SPOCK1: variants seen among roughly 807,000 people sequenced by gnomAD.
The protein encoded by SPOCK1 is SPARC (osteonectin), cwcv and kazal like domains proteoglycan 1, also known as testican-1.
Under a neutral mutation model 55.3 loss-of-function variants are expected in SPOCK1, and 23 were observed. That is an observed-to-expected ratio of 0.42 (90% CI 0.30 to 0.59). The LOEUF (loss-of-function observed/expected upper bound fraction) is 0.59. Among genes scored for constraint, SPOCK1 ranks in the 20% least tolerant of loss-of-function variants. The probability of loss-of-function intolerance (pLI) is 0.22; values close to 1 mark genes in which losing one functional copy is unlikely to be tolerated. For synonymous variants in SPOCK1, 226 were observed against 221.0 expected (o/e 1.02, Z -0.20); for missense variants, 499 against 552.5 (o/e 0.90, Z 0.97).
At chr5:137,351,293 G>A (rs1313447652) in intron 2 of SPOCK1, among the ~76,000 whole-genome samples, 1 of 152,256 alleles carries the variant, frequency 6.6e-6, no homozygotes. Context: ...GTGTGCAGCT[G>A]CCCAAAGTGC....
intron 4 of SPOCK1, among the ~76,000 whole-genome samples, chr5:137,131,971 C>CAAAA (rs1156253291): frequency 9.4e-4 from 12 of 12,722 alleles, no homozygotes; most frequent in Non-Finnish European, 1.2e-3. Flanking sequence ...GACTCCGTCT[C>CAAAA]AAAAAAAAAA....
At chr5:136,979,609 A>G (rs920222085) in intron 9 of SPOCK1, 140 bp from the exon 10 acceptor site, 4 of 1,077,114 alleles carry the variant, frequency 3.7e-6, no homozygotes, top group East Asian at 2.5e-5. Context: ...ATGGTTGGCT[A>G]TTAGTCAAAA....
chr5:137,315,468 C>G (rs1269239144), intron 2 of SPOCK1, among the ~76,000 whole-genome samples: 1 of 152,230 alleles, frequency 6.6e-6, no homozygotes, highest in East Asian at 1.9e-4. Flanking sequence ...ACCATCTCCA[C>G]TTTGATACAT....
intron 3 of SPOCK1, among the ~76,000 whole-genome samples, chr5:137,194,204 C>T (rs949763721): frequency 6.6e-6 from 1 of 152,222 alleles, no homozygotes; most frequent in Non-Finnish European, 1.5e-5. Context: ...GTATCACCCA[C>T]AGGTGGAAAA....
chr5:137,204,019 G>C (rs554330194), intron 3 of SPOCK1, among the ~76,000 whole-genome samples: 2,541 of 152,290 alleles, frequency 0.017, 73 homozygotes, highest in African/African-American at 0.058. Context: ...ATGCGCTGGG[G>C]CTCTGGATTC....
intron 3 of SPOCK1, among the ~76,000 whole-genome samples, chr5:137,262,914 T>C (rs1756776701): frequency 6.6e-6 from 1 of 152,252 alleles, no homozygotes; most frequent in Non-Finnish European, 1.5e-5. Flanking sequence ...GCACTTCCTA[T>C]ATGCCAGGCA....
chr5:137,449,064 C>T (rs1472217949), intron 2 of SPOCK1, among the ~76,000 whole-genome samples: 1 of 152,240 alleles, frequency 6.6e-6, no homozygotes, highest in Non-Finnish European at 1.5e-5. Flanking sequence ...TTCAAGGCAT[C>T]AGAACTGCTA....
chr5:137,420,815 T>C (rs921262824), intron 2 of SPOCK1, among the ~76,000 whole-genome samples: 1 of 152,230 alleles, frequency 6.6e-6, no homozygotes, highest in African/African-American at 2.4e-5. Context: ...GCTCTGATCT[T>C]AGTTATTTCT....
intron 9 of SPOCK1, among the ~76,000 whole-genome samples, chr5:136,980,362 C>G (rs1750705697): frequency 6.6e-6 from 1 of 152,134 alleles, no homozygotes; most frequent in Non-Finnish European, 1.5e-5. Context: ...AGATGGATTA[C>G]TAGTGGCACA....
intron 2 of SPOCK1, among the ~76,000 whole-genome samples, chr5:137,319,343 TA>T (rs1179834665): frequency 6.6e-6 from 1 of 152,240 alleles, no homozygotes; most frequent in African/African-American, 2.4e-5. Context: ...TGGCTAGCTT[TA>T]GGTGAAAGAT....
intron 3 of SPOCK1, among the ~76,000 whole-genome samples, chr5:137,219,206 T>C (rs1755799008): frequency 6.6e-6 from 1 of 152,214 alleles, no homozygotes; most frequent in Non-Finnish European, 1.5e-5. Flanking sequence ...GAATTAATGA[T>C]GCTAAGATGA....
intron 4 of SPOCK1, among the ~76,000 whole-genome samples, chr5:137,126,456 G>A (rs1408029506): frequency 6.6e-6 from 1 of 152,182 alleles, no homozygotes; most frequent in Non-Finnish European, 1.5e-5. Flanking sequence ...CATAAATGAG[G>A]AATATATTAT....
chr5:137,271,558 A>C (rs1756964267), intron 2 of SPOCK1, among the ~76,000 whole-genome samples: 1 of 80,862 alleles, frequency 1.2e-5, no homozygotes. Context: ...AAGTCTCTTC[A>C]TCACAGATGA....
intron 2 of SPOCK1, among the ~76,000 whole-genome samples, chr5:137,328,502 A>G (rs568367616): frequency 6.6e-6 from 1 of 152,352 alleles, no homozygotes; most frequent in East Asian, 1.9e-4. Flanking sequence ...GAGTTCACAC[A>G]GACAAAGCAT....
At chr5:137,380,342 C>T (rs746402859) in intron 2 of SPOCK1, among the ~76,000 whole-genome samples, 232 of 152,288 alleles carry the variant, frequency 1.5e-3, no homozygotes, top group Non-Finnish European at 2.9e-3. Flanking sequence ...GTACATTTTC[C>T]TATGCAATAT....
At chr5:137,445,006 T>C (rs1753092895) in intron 2 of SPOCK1, among the ~76,000 whole-genome samples, 2 of 152,192 alleles carry the variant, frequency 1.3e-5, no homozygotes, top group African/African-American at 4.8e-5. Flanking sequence ...TGTAGGTATC[T>C]GGCAGGATGC....
At chr5:137,474,539 G>C (rs181328808) in intron 2 of SPOCK1, among the ~76,000 whole-genome samples, 1 of 152,310 alleles carries the variant, frequency 6.6e-6, no homozygotes, top group East Asian at 1.9e-4. Flanking sequence ...CCAGCCCCCA[G>C]ATCTTGGTTT....
At chr5:137,473,138 T>C (rs1753770707) in intron 2 of SPOCK1, among the ~76,000 whole-genome samples, 1 of 152,158 alleles carries the variant, frequency 6.6e-6, no homozygotes, top group Non-Finnish European at 1.5e-5. Flanking sequence ...TCTGCAAACA[T>C]GAAACAATAA....
intron 3 of SPOCK1, among the ~76,000 whole-genome samples, chr5:137,223,831 G>A (rs1755901156): frequency 6.6e-6 from 1 of 152,038 alleles, no homozygotes; most frequent in Non-Finnish European, 1.5e-5. Context: ...AAAATATAAA[G>A]CTAGTGGACA....
Sources: gnomAD v4.1 joint callset for allele counts (sites outside exome capture counted in the v4.1 genomes callset) on GRCh38, gnomAD v4.1.1 for gene constraint, MANE v1.5 for transcripts, NCBI Gene and HGNC (gene_info 2026-07-23, HGNC 2026-07-21) for gene names.